The following HSP90AB1 variants were observed in gnomAD, a reference collection of about 807,000 sequenced individuals.
HSP90AB1 encodes the protein heat shock protein 90 alpha family class B member 1.
Under a neutral mutation model 67.8 loss-of-function variants are expected in HSP90AB1, and 17 were observed. The observed-to-expected ratio is 0.25, with a 90% confidence interval of 0.17 to 0.38. The LOEUF (loss-of-function observed/expected upper bound fraction) is 0.38, where lower values mean the gene tolerates loss of function less well. Among genes scored for constraint, HSP90AB1 ranks in the 10% least tolerant of loss-of-function variants. The pLI, the probability that HSP90AB1 is intolerant of heterozygous loss-of-function variation, is 1.00. For missense variants in HSP90AB1, 690 were observed against 899.9 expected (o/e 0.77, Z 2.98); for synonymous variants, 390 against 312.9 (o/e 1.25, Z -2.60).
intron 1 of HSP90AB1, among the ~76,000 whole-genome samples, chr6:44,248,356 T>G (rs981240870): frequency 1.3e-5 from 2 of 152,270 alleles, no homozygotes; most frequent in African/African-American, 4.8e-5. Flanking sequence ...ATGCTGAGGC[T>G]GCTGGTCACC....
chr6:44,252,798 A>ATT (rs35658356), intron 10 of HSP90AB1, among the ~76,000 whole-genome samples: 40 of 144,510 alleles, frequency 2.8e-4, no homozygotes, highest in African/African-American at 7.1e-4. Flanking sequence ...TGCCTGGCCG[A>ATT]TTTTTTTTTT....
intron 1 of HSP90AB1, 51 bp from the exon 2 acceptor site, chr6:44,248,579 T>C (rs769988156): frequency 6.4e-7 from 1 of 1,560,784 alleles, no homozygotes; most frequent in Non-Finnish European, 8.7e-7. Context: ...TTAGGATTTT[T>C]AAACATGGGG....
chr6:44,250,941 C>A, intron 6 of HSP90AB1, 107 bp from the exon 7 acceptor site: 4 of 967,730 alleles, frequency 4.1e-6, no homozygotes, highest in Non-Finnish European at 4.9e-6. Flanking sequence ...TGTGTGTGCT[C>A]TATCCCTTAG....
At chr6:44,249,268 G>A in intron 2 of HSP90AB1, 109 bp from the exon 3 acceptor site, 1 of 852,660 alleles carries the variant, frequency 1.2e-6, no homozygotes, top group Non-Finnish European at 1.9e-6. Flanking sequence ...GAACCTGGGA[G>A]GTCAAGGCTG....
At chr6:44,249,079 G>C (rs1031116948) in intron 2 of HSP90AB1, among the ~76,000 whole-genome samples, 3 of 152,236 alleles carry the variant, frequency 2.0e-5, no homozygotes, top group African/African-American at 7.2e-5. Flanking sequence ...AAAAGTGGCT[G>C]AGCGTGTTGG....
intron 8 of HSP90AB1, 34 bp downstream of exon 8, chr6:44,251,642 ACTTT>A: frequency 1.3e-6 from 2 of 1,586,918 alleles, no homozygotes; most frequent in South Asian, 1.1e-5. Flanking sequence ...TCCCTTTACC[ACTTT>A]CTTAGTAATA....
intron 2 of HSP90AB1, 32 bp downstream of exon 2, chr6:44,248,808 T>C (rs79298706): frequency 6.5e-5 from 12 of 184,276 alleles, no homozygotes; most frequent in Non-Finnish European, 7.4e-5. Context: ...TTTGGCATGG[T>C]TTTTTTTTTT....
chr6:44,248,627 T>C lies in HSP90AB1; in HGVS notation c.1-3T>C. On this transcript the variant is annotated splice_polypyrimidine_tract_variant and splice_region_variant and intron_variant, in intron 1 of 11. Transcript: ENST00000371646. Reference sequence around the variant, plus strand: ...TTTGTAATTAATGAGATTTTTATTTTAGATGCCTGAGGAAGTGCACCATGG... The same window carrying C: ...TTTGTAATTAATGAGATTTTTATTTCAGATGCCTGAGGAAGTGCACCATGG... The C allele has an allele frequency of 6.3e-7, 1 of 1,595,542 alleles. No individual in the cohort carries two copies. The highest frequency in any genetic ancestry group is 1.7e-4 in the Middle Eastern group (1 of 5,954).
In HSP90AB1 at chr6:44,249,502, T is replaced by C. The variant is rs1390016402; in HGVS notation, c.273T>C (p.Ile91=). 6.2e-7 allele frequency: 1 copy of C among 1,614,172 alleles called. No individual in the cohort carries two copies. ...CCCTGACTTTGGTAGACACAGGCAT[T>C]GGCATGACCAAAGCTGATCTCATAA... The part of the protein sequence containing the change: ...ERTLTLVDTG[I]GMTKADLINN... Residue 91 remains isoleucine, a synonymous_variant, in exon 3 of 12, where the codon ATT becomes ATC. Transcript: ENST00000371646.
chr6:44,252,458 A>C (rs1263404449), intron 10 of HSP90AB1, among the ~76,000 whole-genome samples, 191 bp downstream of exon 10: 1 of 152,024 alleles, frequency 6.6e-6, no homozygotes, highest in African/African-American at 2.4e-5. Context: ...GCATTGCTTC[A>C]GTTAACTTCT....
At position 44,249,896 on chromosome 6, in the gene HSP90AB1, C is replaced by T. The variant is rs1008919405; in HGVS notation, c.514+62C>T. On this transcript the variant is annotated intron_variant, in intron 4 of 11. Coordinates refer to ENST00000371646, the MANE Select transcript of HSP90AB1 (RefSeq NM_007355.4). The stretch of plus-strand genomic sequence containing the variant: ...GGATTTTCTGGGCTCACACCAGTAG[C>T]AGAAATTTTGGGCATCCTGTCTGTA... 7.4e-5 allele frequency: 117 copies of T among 1,588,118 alleles called. 1 individual carries two copies. The highest frequency in any genetic ancestry group is 1.3e-5 in the African/African-American group (1 of 74,110).
chr6:44,251,325 T>TTC, intron 7 of HSP90AB1, 93 bp from the exon 8 acceptor site: 1 of 1,513,750 alleles, frequency 6.6e-7, no homozygotes, highest in Non-Finnish European at 9.2e-7. Flanking sequence ...GGTGTAAGGG[T>TTC]TCAGGAGGCT....
At chr6:44,252,640 C>G (rs559860902) in intron 10 of HSP90AB1, among the ~76,000 whole-genome samples, 1 of 152,116 alleles carries the variant, frequency 6.6e-6, no homozygotes, top group Non-Finnish European at 1.5e-5. Flanking sequence ...CCACTACAGG[C>G]GCCCGCCACC....
rs1237313758 is a variant in HSP90AB1 at position 44,250,035 on chromosome 6, A to C, written c.529A>C (p.Arg177=). ...GACTCTTCTAGGTGAGCCCATTGGC[A>C]GGGGTACCAAAGTGATCCTCCATCT... The part of the protein sequence containing the change: ...VRADHGEPIG[R]GTKVILHLKE... Residue 177 remains arginine (R), a synonymous_variant, in exon 5 of 12, where the codon AGG becomes CGG. Transcript: ENST00000371646. 3 of 1,614,062 alleles carry C rather than the reference A, an allele frequency of 1.9e-6. No homozygotes were observed. Among genetic ancestry groups the C allele is most frequent in the African/African-American group, 1.3e-5 (1 of 74,942 alleles).
chr6:44,249,645 A>C, intron 3 of HSP90AB1, 30 bp from the exon 4 acceptor site: 1 of 1,611,322 alleles, frequency 6.2e-7, no homozygotes, highest in Non-Finnish European at 8.5e-7. Flanking sequence ...CTTCTTTAAA[A>C]CTTGTGATTG....
In HSP90AB1 at chr6:44,253,623, T is replaced by C; in HGVS notation, c.*25T>C. 3 of 1,582,504 alleles carry C rather than the reference T, an allele frequency of 1.9e-6. No individual in the cohort carries two copies. Among genetic ancestry groups the C allele is most frequent in the East Asian group, 2.2e-5 (1 of 44,704 alleles). On this transcript the variant is annotated 3_prime_UTR_variant, in exon 12 of 12. Transcript: ENST00000371646. ...GGTTAGGAGTTCATAGTTGGAAAAC[T>C]TGTGCCCTTGTATAGTGTCCCCATG...
intron 6 of HSP90AB1, 27 bp from the exon 7 acceptor site, chr6:44,251,021 G>GT (rs772761025): frequency 4.4e-6 from 7 of 1,608,226 alleles, no homozygotes; most frequent in Non-Finnish European, 6.0e-6. Flanking sequence ...CTTTTGAAAT[G>GT]TACCACTTAT....
In HSP90AB1 at chr6:44,251,103, G is replaced by A. The variant is rs1780588878; in HGVS notation, c.1013G>A (p.Arg338Gln). 1 of 1,614,038 alleles carries A rather than the reference G, an allele frequency of 6.2e-7. No individual in the cohort carries two copies. Residue 338 changes from arginine to glutamine, a missense_variant, in exon 7 of 12, where the codon CGG (arginine) becomes CAG (glutamine). By Grantham distance (43) the Arg-to-Gln change is conservative. Coordinates refer to ENST00000371646, the MANE Select transcript of HSP90AB1 (RefSeq NM_007355.4). ...AGGGCATTGCTATTTATTCCTCGTC[G>A]GGCTCCCTTTGACCTTTTTGAGAAC... is the stretch of plus-strand genomic sequence containing the variant. ...EFRALLFIPR[R>Q]APFDLFENKK...
At position 44,251,157 on chromosome 6, in the gene HSP90AB1, A is replaced by G. The variant is rs759789178; in HGVS notation, c.1067A>G (p.Tyr356Cys). 5 of 1,614,200 alleles carry G rather than the reference A, an allele frequency of 3.1e-6. No homozygotes were observed. Among genetic ancestry groups the G allele is most frequent in the South Asian group, 1.1e-5 (1 of 91,090 alleles). Residue 356 changes from tyrosine (Y) to cysteine (C), a missense_variant, in exon 7 of 12, where the codon TAT (tyrosine) becomes TGT (cysteine). Around this residue, in one of 7 missense-constraint regions of HSP90AB1, gnomAD observed 101 missense variants for 174.8 expected, o/e 0.58. Coordinates refer to ENST00000371646, the MANE Select transcript of HSP90AB1 (RefSeq NM_007355.4). ...AAGAAAAAGAACAACATCAAACTCT[A>G]TGTCCGCCGTGTGTTCATCATGGAC... ...NKKKKNNIKLYVRRVFIMDSC... is the reference protein window; with the variant it reads ...NKKKKNNIKLCVRRVFIMDSC...
Sources: gnomAD v4.1 joint callset for allele counts (sites outside exome capture counted in the v4.1 genomes callset) on GRCh38, gnomAD v4.1.1 for gene constraint, gnomAD v4.1.1 regional missense constraint, MANE v1.5 for transcripts, NCBI Gene and HGNC (gene_info 2026-07-23, HGNC 2026-07-21) for gene names.